Variants in AK5 observed in about 807,000 individuals in gnomAD.
AK5 encodes adenylate kinase isoenzyme 5.
In AK5, 27 loss-of-function variants were observed where a neutral mutation model predicts 69.5. The ratio of observed to expected loss-of-function variants is 0.39; its 90% CI spans 0.29 to 0.54. AK5 has a LOEUF of 0.54. Ranked by LOEUF, AK5 falls within the 20% of genes least tolerant of loss-of-function variation. The probability of loss-of-function intolerance (pLI) is 0.71; values close to 1 mark genes in which losing one functional copy is unlikely to be tolerated. For synonymous variants in AK5, 260 were observed against 244.4 expected (o/e 1.06, Z -0.60); for missense variants, 531 against 700.4 (o/e 0.76, Z 2.73).
chr1:77,304,185 G>A (rs1779180), intron 5 of AK5, among the ~76,000 whole-genome samples: 134,547 of 152,016 alleles, frequency 0.89, 59,888 homozygotes, highest in Middle Eastern at 0.97. Flanking sequence ...ACCCTTCCTG[G>A]CCTCTGATAA....
intron 12 of AK5, among the ~76,000 whole-genome samples, chr1:77,522,968 TTAA>T (rs1286258636): frequency 6.6e-6 from 1 of 151,712 alleles, no homozygotes; most frequent in African/African-American, 2.4e-5. Context: ...CCAGAAAGGG[TTAA>T]TGACTTCCCC....
intron 1 of AK5, among the ~76,000 whole-genome samples, chr1:77,286,449 T>C (rs1658356609): frequency 6.6e-6 from 1 of 151,350 alleles, no homozygotes; most frequent in Non-Finnish European, 1.5e-5. Flanking sequence ...ATTATCTTAA[T>C]GACTCCATCA....
intron 10 of AK5, among the ~76,000 whole-genome samples, chr1:77,493,278 T>G (rs144166789): frequency 2.6e-5 from 4 of 152,130 alleles, no homozygotes; most frequent in African/African-American, 9.6e-5. Flanking sequence ...ATTTGCTCTC[T>G]CTCTTCTGGA....
intron 5 of AK5, among the ~76,000 whole-genome samples, chr1:77,326,836 A>G (rs895335663): frequency 1.3e-5 from 2 of 150,580 alleles, no homozygotes; most frequent in African/African-American, 2.4e-5. Flanking sequence ...CTAAAGATAC[A>G]TATTTTTAGT....
chr1:77,506,086 A>G (rs1387948286), intron 10 of AK5, among the ~76,000 whole-genome samples: 3 of 152,106 alleles, frequency 2.0e-5, no homozygotes, highest in East Asian at 3.9e-4. Flanking sequence ...AACCCAGGCA[A>G]GCAGAACCTG....
chr1:77,389,484 T>C (rs1011728488), intron 6 of AK5, among the ~76,000 whole-genome samples: 1 of 151,958 alleles, frequency 6.6e-6, no homozygotes, highest in Non-Finnish European at 1.5e-5. Flanking sequence ...TACAGAAAAG[T>C]GACAGAAGGA....
At chr1:77,381,047 CA>C (rs997493012) in intron 6 of AK5, among the ~76,000 whole-genome samples, 2 of 152,160 alleles carry the variant, frequency 1.3e-5, no homozygotes, top group African/African-American at 2.4e-5. Context: ...CTTTCTTAAG[CA>C]AAAGATTCAT....
intron 10 of AK5, among the ~76,000 whole-genome samples, chr1:77,486,718 G>A (rs926638729): frequency 6.6e-6 from 1 of 151,980 alleles, no homozygotes. Flanking sequence ...AAGGAATTTG[G>A]TAGTGAAAGA....
intron 13 of AK5, among the ~76,000 whole-genome samples, chr1:77,545,294 A>C (rs1327172336): frequency 2.0e-5 from 3 of 151,722 alleles, no homozygotes; most frequent in African/African-American, 7.3e-5. Context: ...TCTCTCTGAA[A>C]TCAAACTTTT....
intron 12 of AK5, among the ~76,000 whole-genome samples, chr1:77,524,087 A>G (rs777942924): frequency 6.6e-6 from 1 of 152,194 alleles, no homozygotes; most frequent in Non-Finnish European, 1.5e-5. Context: ...CACAAGGTTC[A>G]TTAATGTTGT....
chr1:77,523,767 G>T (rs930916281), intron 12 of AK5, among the ~76,000 whole-genome samples: 1 of 152,086 alleles, frequency 6.6e-6, no homozygotes, highest in Non-Finnish European at 1.5e-5. Context: ...CAACCTCAAG[G>T]CCCAAGCAAT....
chr1:77,338,908 A>T (rs934832921), intron 5 of AK5, among the ~76,000 whole-genome samples: 1 of 152,194 alleles, frequency 6.6e-6, no homozygotes, highest in Non-Finnish European at 1.5e-5. Context: ...AGATAAGGAC[A>T]TAGAGGTTTA....
chr1:77,413,708 G>T (rs1650199897), intron 7 of AK5, among the ~76,000 whole-genome samples: 1 of 152,176 alleles, frequency 6.6e-6, no homozygotes, highest in Non-Finnish European at 1.5e-5. Flanking sequence ...CTATCTATGG[G>T]TTCCTGTCTT....
chr1:77,361,634 A>G (rs965653772), intron 6 of AK5, among the ~76,000 whole-genome samples: 3 of 152,198 alleles, frequency 2.0e-5, no homozygotes, highest in Admixed American at 1.3e-4. Context: ...TTTATAAAAG[A>G]AAGAGTTTAA....
chr1:77,521,397 A>G (rs898210454), intron 11 of AK5, among the ~76,000 whole-genome samples: 1 of 152,054 alleles, frequency 6.6e-6, no homozygotes, highest in African/African-American at 2.4e-5. Flanking sequence ...GCCTCTCAAC[A>G]TGCTAGGATT....
rs552840833 is a variant in AK5 at position 77,489,190 on chromosome 1, T to C, written c.1147+2838T>C. Among the ~76,000 whole-genome samples, 7 of 152,292 alleles carry C rather than the reference T, an allele frequency of 4.6e-5. No homozygotes were observed. The South Asian group carries it at 1.4e-3, about 32-fold the overall frequency. Reference sequence around the variant, plus strand: ...GTCAAACAGCACAGTAGAAGATCTTTGGAATTAGACAAAGCTCGAAACCTC... The same window carrying C: ...GTCAAACAGCACAGTAGAAGATCTTCGGAATTAGACAAAGCTCGAAACCTC... On this transcript the variant is annotated intron_variant, in intron 10 of 13. Transcript: ENST00000354567.
At chr1:77,377,226 T>A (rs1190844595) in intron 6 of AK5, among the ~76,000 whole-genome samples, 2 of 152,174 alleles carry the variant, frequency 1.3e-5, no homozygotes, top group Non-Finnish European at 2.9e-5. Flanking sequence ...TACTTGGGTG[T>A]CACACAACCA....
chr1:77,523,252 GGT>G (rs1303140624), intron 12 of AK5, among the ~76,000 whole-genome samples: 1 of 152,150 alleles, frequency 6.6e-6, no homozygotes, highest in Non-Finnish European at 1.5e-5. Context: ...AGTTGGCATG[GGT>G]GGACCCTGGA....
intron 2 of AK5, among the ~76,000 whole-genome samples, chr1:77,288,188 G>T (rs17100172): frequency 0.098 from 14,849 of 152,170 alleles, 892 homozygotes; most frequent in South Asian, 0.2. Flanking sequence ...CATTAGAGAA[G>T]ATTTGTGGTG....
Sources: allele counts gnomAD v4.1 joint callset (sites outside exome capture counted in the v4.1 genomes callset), GRCh38; gene constraint gnomAD v4.1.1; transcripts MANE v1.5; gene names NCBI Gene and HGNC (gene_info 2026-07-23, HGNC 2026-07-21).